The following EFHC2 variants were observed in gnomAD, a reference collection of about 807,000 sequenced individuals.
EFHC2 encodes the protein EF-hand domain-containing family member C2.
Under a neutral mutation model 52.7 loss-of-function variants are expected in EFHC2, and 18 were observed. That is an observed-to-expected ratio of 0.34 (90% CI 0.24 to 0.51). The LOEUF is 0.51. Ranked by LOEUF, EFHC2 falls within the 20% of genes least tolerant of loss-of-function variation. The probability of loss-of-function intolerance (pLI) is 0.97; values close to 1 mark genes in which losing one functional copy is unlikely to be tolerated. For missense variants in EFHC2, 513 were observed against 562.5 expected, an observed-to-expected ratio of 0.91 and a Z score of 0.89; for synonymous variants, 203 against 204.1, an observed-to-expected ratio of 0.99 and a Z score of 0.04.
intron 1 of EFHC2, among the ~76,000 whole-genome samples, chrX:44,325,742 C>T (rs1363251277): frequency 9.6e-6 from 1 of 104,416 alleles, no homozygotes; most frequent in Non-Finnish European, 1.9e-5. Flanking sequence ...TGCTTGACAA[C>T]CACAAGACAA....
chrX:44,316,221 A>G (rs2037982208), intron 1 of EFHC2, among the ~76,000 whole-genome samples: 1 of 112,042 alleles, frequency 8.9e-6, no homozygotes, highest in South Asian at 3.7e-4. Context: ...AAGGTACCTT[A>G]ATGTCTATTC....
intron 11 of EFHC2, among the ~76,000 whole-genome samples, chrX:44,185,158 TTAAG>T (rs1199919267): frequency 8.9e-6 from 1 of 112,580 alleles, no homozygotes; most frequent in Non-Finnish European, 1.9e-5. Context: ...ACTACTTCTC[TTAAG>T]TAAGTTTACC....
At chrX:44,297,086 G>GC (rs1319463088) in intron 2 of EFHC2, among the ~76,000 whole-genome samples, 8 of 111,978 alleles carry the variant, frequency 7.1e-5, no homozygotes, top group Non-Finnish European at 1.3e-4. Flanking sequence ...CATTTGACAT[G>GC]CATTACCCAT....
chrX:44,285,081 C>G (rs779573169), intron 2 of EFHC2: 1 of 111,873 alleles, frequency 8.9e-6, no homozygotes, highest in African/African-American at 3.3e-5. Context: ...TTCAGCAGTA[C>G]CAAGTCTTCT....
At chrX:44,335,848 T>A (rs1317898113) in intron 1 of EFHC2, among the ~76,000 whole-genome samples, 2 of 111,839 alleles carry the variant, frequency 1.8e-5, no homozygotes, top group East Asian at 5.6e-4. Flanking sequence ...GAACAAAATA[T>A]TTACAGACCA....
At chrX:44,321,472 T>C (rs2038020088) in intron 1 of EFHC2, among the ~76,000 whole-genome samples, 1 of 111,483 alleles carries the variant, frequency 9.0e-6, no homozygotes, top group Non-Finnish European at 1.9e-5. Context: ...GCTACAGTGC[T>C]GGAATGAATG....
chrX:44,230,365 G>A (rs1187722979), intron 10 of EFHC2, among the ~76,000 whole-genome samples: 1 of 111,387 alleles, frequency 9.0e-6, no homozygotes, highest in Non-Finnish European at 1.9e-5. Context: ...GAAACATAAG[G>A]TCGTAAATAA....
chrX:44,202,431 A>G (rs1050098450), intron 11 of EFHC2, among the ~76,000 whole-genome samples: 3 of 112,049 alleles, frequency 2.7e-5, no homozygotes, highest in African/African-American at 9.7e-5. Flanking sequence ...ACAAACAAAC[A>G]AACGAAAACA....
intron 1 of EFHC2, among the ~76,000 whole-genome samples, chrX:44,324,413 C>T (rs763936323): frequency 9.0e-6 from 1 of 111,711 alleles, no homozygotes; most frequent in East Asian, 2.8e-4. Flanking sequence ...TCCCATTTAG[C>T]TGGCTCTGAG....
intron 7 of EFHC2, among the ~76,000 whole-genome samples, chrX:44,247,152 C>T (rs1000149566): frequency 1.8e-5 from 2 of 112,096 alleles, no homozygotes; most frequent in East Asian, 2.8e-4. Flanking sequence ...CCCAGTAGGG[C>T]CCATACATTT....
intron 1 of EFHC2, among the ~76,000 whole-genome samples, chrX:44,328,561 T>G (rs1186114050): frequency 8.9e-6 from 1 of 111,774 alleles, no homozygotes; most frequent in African/African-American, 3.2e-5. Flanking sequence ...GGGAGGCTAC[T>G]CCCTTTGCAA....
intron 14 of EFHC2, among the ~76,000 whole-genome samples, chrX:44,163,249 T>G (rs1327492274): frequency 1.8e-5 from 2 of 111,842 alleles, no homozygotes; most frequent in East Asian, 5.6e-4. Context: ...CACATGACAT[T>G]TGCTTTATCA....
intron 11 of EFHC2, among the ~76,000 whole-genome samples, chrX:44,229,156 G>T (rs1234663461): frequency 8.9e-6 from 1 of 112,214 alleles, no homozygotes; most frequent in Non-Finnish European, 1.9e-5. Context: ...ATATTTTCAT[G>T]TCTTTCAGAA....
intron 1 of EFHC2, among the ~76,000 whole-genome samples, chrX:44,339,937 T>G (rs1266050589): frequency 1.8e-5 from 2 of 112,012 alleles, no homozygotes; most frequent in Admixed American, 1.9e-4. Context: ...TGTAGTCACC[T>G]AATTTTGGCA....
At chrX:44,301,216 A>G (rs917531230) in intron 2 of EFHC2, among the ~76,000 whole-genome samples, 2 of 109,402 alleles carry the variant, frequency 1.8e-5, no homozygotes, top group African/African-American at 6.7e-5. Context: ...AAACTGGCTC[A>G]TCTGGCCTTG....
intron 12 of EFHC2, among the ~76,000 whole-genome samples, chrX:44,177,316 A>T (rs185715376): frequency 4.5e-5 from 5 of 112,124 alleles, no homozygotes; most frequent in Non-Finnish European, 5.6e-5. Flanking sequence ...AATAAAAAAA[A>T]TGATTATTTC....
intron 2 of EFHC2, among the ~76,000 whole-genome samples, chrX:44,278,491 T>C (rs961352336): frequency 8.9e-6 from 1 of 111,865 alleles, no homozygotes; most frequent in African/African-American, 3.2e-5. Context: ...ACATGCTACC[T>C]CGGCAAATAT....
intron 2 of EFHC2, among the ~76,000 whole-genome samples, chrX:44,293,712 AT>A (rs1393886709): frequency 9.0e-6 from 1 of 111,373 alleles, no homozygotes; most frequent in East Asian, 2.8e-4. Context: ...TCAACTGTTT[AT>A]CATTCTGTTT....
In EFHC2 at chrX:44,178,364, T is replaced by C; in HGVS notation, c.1949+3A>G. On this transcript the variant is annotated splice_donor_region_variant and intron_variant, in intron 12 of 14. Coordinates refer to ENST00000420999, the MANE Select transcript of EFHC2 (RefSeq NM_025184.4). The stretch of plus-strand genomic sequence containing the variant: ...GATTAGAATCAATAAAACAAAAGCT[T>C]ACTTTTCTCGATCTTCATACACACA... 1 of 1,166,679 alleles carries C rather than the reference T, an allele frequency of 8.6e-7. No individual in the cohort carries two copies. The highest frequency in any genetic ancestry group is 2.0e-5 in the South Asian group (1 of 50,919).
Sources: gnomAD v4.1 joint callset for allele counts (sites outside exome capture counted in the v4.1 genomes callset) on GRCh38, gnomAD v4.1.1 for gene constraint, MANE v1.5 for transcripts, NCBI Gene and HGNC (gene_info 2026-07-23, HGNC 2026-07-21) for gene names.